PCSK6: variants seen among roughly 807,000 people sequenced by gnomAD.
PCSK6 encodes proprotein convertase subtilisin/kexin type 6.
Under a neutral mutation model 123.3 loss-of-function variants are expected in PCSK6, and 85 were observed. The observed-to-expected ratio is 0.69, with a 90% CI of 0.58 to 0.83. The LOEUF (loss-of-function observed/expected upper bound fraction) is 0.83, where lower values mean the gene tolerates loss of function less well. Among genes scored for constraint, PCSK6 ranks in the 40% least tolerant of loss-of-function variants. The pLI, the probability that PCSK6 is intolerant of heterozygous loss-of-function variation, is 0.00. For missense variants in PCSK6, 1,191 were observed against 1,282.3 expected (o/e 0.93, Z 1.09); for synonymous variants, 508 against 516.0 (o/e 0.98, Z 0.21).
intron 6 of PCSK6, among the ~76,000 whole-genome samples, chr15:101,412,448 T>C (rs1057388691): frequency 6.6e-6 from 1 of 151,834 alleles, no homozygotes; most frequent in African/African-American, 2.4e-5. Flanking sequence ...ATACTAGTTG[T>C]ATATTAATAA....
At chr15:101,442,659 G>A (rs1313175135) in intron 2 of PCSK6, among the ~76,000 whole-genome samples, 1 of 151,928 alleles carries the variant, frequency 6.6e-6, no homozygotes. Context: ...ATAATATTGT[G>A]CACCAGCCAG....
chr15:101,398,263 C>T lies in PCSK6; in HGVS notation c.996+141G>A, dbSNP rs909904020. On this transcript the variant is annotated intron_variant, in intron 7 of 21. Transcript: ENST00000611716. The surrounding 1 kb of genome is among the most constrained non-coding windows in gnomAD (Gnocchi z 4.6). ...TCTCAGACTCCCCGAGTGACTCCTC[C>T]ACACTGGCCCTGGCACCTGTCACAG... 4 of 1,052,542 alleles carry T rather than the reference C, an allele frequency of 3.8e-6. No homozygotes were observed. In the African/African-American group the frequency reaches 4.7e-5, roughly 12 times the overall value. The allele number at this position is 1,052,542 out of a possible 1,614,324, so 65.2% of individuals were successfully genotyped here.
At chr15:101,445,029 G>C (rs1445416573) in intron 1 of PCSK6, among the ~76,000 whole-genome samples, 1 of 152,180 alleles carries the variant, frequency 6.6e-6, no homozygotes, top group African/African-American at 2.4e-5. Flanking sequence ...TCGAAATAAA[G>C]AGTTCCCTTT....
In PCSK6 at chr15:101,384,469, C is replaced by A. The variant is rs146791437; in HGVS notation, c.1311-44G>T. 1.4e-5 allele frequency: 22 copies of A among 1,549,984 alleles called. No individual in the cohort carries two copies. In the Admixed American group the frequency reaches 1.9e-4, roughly 13 times the overall value. ...CCCTAGAGTCCACACAGCTCAACAA[C>A]GGCAGCCACACAGGCCACTCAGAGG... is the stretch of plus-strand genomic sequence containing the variant. On this transcript the variant is annotated intron_variant, in intron 9 of 21. Coordinates refer to ENST00000611716, the MANE Select transcript of PCSK6 (RefSeq NM_002570.5).
At chr15:101,489,268 C>A (rs1210321265) in intron 1 of PCSK6, 106 bp downstream of exon 1, 1 of 723,874 alleles carries the variant, frequency 1.4e-6, no homozygotes, top group Admixed American at 7.0e-5. Context: ...CCTTCCCACG[C>A]GCGCGCGGGG....
At chr15:101,323,210 G>A (rs2040170882) in intron 17 of PCSK6, among the ~76,000 whole-genome samples, 1 of 152,206 alleles carries the variant, frequency 6.6e-6, no homozygotes, top group Non-Finnish European at 1.5e-5. Context: ...ACAGCTGCTT[G>A]CCACACCTGC....
At chr15:101,319,403 G>T (rs957997095) in intron 18 of PCSK6, among the ~76,000 whole-genome samples, 3 of 145,880 alleles carry the variant, frequency 2.1e-5, no homozygotes, top group Non-Finnish European at 4.5e-5. Context: ...AAGAGAAAAA[G>T]AAAAAAAAAA....
chr15:101,412,709 A>ACCC (rs1409017924), intron 6 of PCSK6, among the ~76,000 whole-genome samples: 1 of 139,580 alleles, frequency 7.2e-6, no homozygotes, highest in African/African-American at 2.9e-5. Context: ...ATATATATAT[A>ACCC]TATAAAATTA....
At chr15:101,450,264 C>T (rs1185856415) in intron 1 of PCSK6, among the ~76,000 whole-genome samples, 2 of 151,978 alleles carry the variant, frequency 1.3e-5, no homozygotes, top group Non-Finnish European at 2.9e-5. Flanking sequence ...TCGGAGAATA[C>T]ACGACCAGCC....
At position 101,445,205 on chromosome 15, in the gene PCSK6, C is replaced by T. The variant is rs28633386; in HGVS notation, c.298-1545G>A. On this transcript the variant is annotated intron_variant, in intron 1 of 21. Transcript: ENST00000611716. ...GCTGGTGGTCCTGGGAGCTGGGATT[C>T]TCTCTCGGGCTCCTCCACTCCCTTC... Among the ~76,000 whole-genome samples the T allele has an allele frequency of 1.8e-3, 271 of 152,282 alleles. 1 individual carries two copies. Among genetic ancestry groups the T allele is most frequent in the African/African-American group, 6.3e-3 (260 of 41,558 alleles).
chr15:101,453,095 C>CA (rs2057077860), intron 1 of PCSK6, among the ~76,000 whole-genome samples: 2 of 152,330 alleles, frequency 1.3e-5, no homozygotes, highest in South Asian at 4.1e-4. Flanking sequence ...AAACTGAAGA[C>CA]AAAACTCTTT....
intron 6 of PCSK6, among the ~76,000 whole-genome samples, chr15:101,409,399 C>A (rs990800143): frequency 6.6e-6 from 1 of 152,244 alleles, no homozygotes; most frequent in East Asian, 1.9e-4. Context: ...TCCTGGCTAA[C>A]ACAGTGAAAC....
chr15:101,385,612 C>T (rs145734616), intron 9 of PCSK6, among the ~76,000 whole-genome samples: 109 of 152,198 alleles, frequency 7.2e-4, no homozygotes, highest in African/African-American at 2.5e-3. Flanking sequence ...ATCTTGGATT[C>T]GATGAAATAT....
chr15:101,359,445 CAG>C (rs772907618), intron 13 of PCSK6, among the ~76,000 whole-genome samples: 8 of 152,272 alleles, frequency 5.3e-5, no homozygotes, highest in African/African-American at 9.6e-5. Context: ...CTGTAGCACA[CAG>C]AGCATCTGGT....
intron 13 of PCSK6, among the ~76,000 whole-genome samples, chr15:101,362,008 G>A (rs535961121): frequency 4.7e-4 from 70 of 147,990 alleles, no homozygotes; most frequent in Non-Finnish European, 7.0e-4. Context: ...CCAGGCTGGA[G>A]TGCAGTGGCG....
intron 20 of PCSK6, among the ~76,000 whole-genome samples, chr15:101,312,647 G>A (rs957019062): frequency 9.2e-5 from 14 of 152,130 alleles, no homozygotes; most frequent in African/African-American, 2.4e-4. Flanking sequence ...CCTGGCCAAC[G>A]TGGTGAAACC....
At chr15:101,430,958 G>A (rs1380810076) in intron 4 of PCSK6, among the ~76,000 whole-genome samples, 1 of 152,176 alleles carries the variant, frequency 6.6e-6, no homozygotes, top group Non-Finnish European at 1.5e-5. Flanking sequence ...CCCAGGATAG[G>A]AACCCAGGCA....
rs117365355 is a variant in PCSK6 at position 101,398,545 on chromosome 15, A to G, written c.855T>C (p.Asp285=). Residue 285 remains aspartate (D), a synonymous_variant, in exon 7 of 22, where the codon GAT becomes GAC. Coordinates refer to ENST00000611716, the MANE Select transcript of PCSK6 (RefSeq NM_002570.5). This position sits in a 1 kb window ranked among gnomAD's most constrained non-coding sequence, Gnocchi z 4.6. Reference sequence around the variant, plus strand: ...TGCCCAGCGACTTTGCCTCGACCACATCTGTGACATCGCCGTCCAGCATGC... The same window carrying G: ...TGCCCAGCGACTTTGCCTCGACCACGTCTGTGACATCGCCGTCCAGCATGC... ...GIRMLDGDVT[D]VVEAKSLGIR... The G allele has an allele frequency of 8.2e-3, 13,149 of 1,613,186 alleles. 78 individuals are homozygous for G. Among genetic ancestry groups the G allele is most frequent in the Non-Finnish European group, 0.01 (11,908 of 1,179,472 alleles).
intron 20 of PCSK6, 158 bp downstream of exon 20, chr15:101,313,218 G>A (rs201323556): frequency 2.8e-5 from 43 of 1,541,246 alleles, no homozygotes; most frequent in Admixed American, 7.9e-5. Flanking sequence ...ACAAAGGGAC[G>A]AAGGCCCCTC....
Sources: gnomAD v4.1 joint callset for allele counts (sites outside exome capture counted in the v4.1 genomes callset) on GRCh38, gnomAD v4.1.1 for gene constraint, Gnocchi (gnomAD v3.1) non-coding constraint, MANE v1.5 for transcripts, NCBI Gene and HGNC (gene_info 2026-07-23, HGNC 2026-07-21) for gene names.